PRDM11: variants seen among roughly 807,000 people sequenced by gnomAD.
The protein encoded by PRDM11 is PR domain-containing protein 11.
Under a neutral mutation model 97.8 loss-of-function variants are expected in PRDM11, and 20 were observed. The observed-to-expected ratio is 0.20, with a 90% CI of 0.14 to 0.30. The LOEUF (loss-of-function observed/expected upper bound fraction) is 0.30. PRDM11 is among the 10% of genes least tolerant of loss of function. The probability of loss-of-function intolerance (pLI) is 1.00; values close to 1 mark genes in which losing one functional copy is unlikely to be tolerated. For synonymous variants in PRDM11, 599 were observed against 637.7 expected, an observed-to-expected ratio of 0.94 and a Z score of 0.91; for missense variants, 1,139 against 1,555.2, an observed-to-expected ratio of 0.73 and a Z score of 4.50.
intron 5 of PRDM11, chr11:45,208,855 G>A (rs1398263390): frequency 4.8e-6 from 2 of 420,642 alleles, no homozygotes; most frequent in Non-Finnish European, 9.7e-6. Context: ...ATTGTGCTTT[G>A]TGGGATATTC....
Position 45,219,540 on chromosome 11 carries a change from G to T in PRDM11, c.555-30G>T. 6.3e-7 allele frequency: 1 copy of T among 1,588,624 alleles called. No homozygotes were observed. Among genetic ancestry groups the T allele is most frequent in the Non-Finnish European group, 8.6e-7 (1 of 1,160,356 alleles). On this transcript the variant is annotated intron_variant, in intron 5 of 7. Coordinates refer to ENST00000683152, the MANE Select transcript of PRDM11 (RefSeq NM_001384648.1). The surrounding 1 kb of genome is among the most constrained non-coding windows in gnomAD (Gnocchi z 4.2). ...GGGCACTCAACAAAGGGTGGCCCGT[G>T]CGTTCTCACCTGTCTCCCCTCCCCA...
intron 1 of PRDM11, among the ~76,000 whole-genome samples, chr11:45,151,149 T>A (rs1032672390): frequency 6.6e-6 from 1 of 152,156 alleles, no homozygotes; most frequent in South Asian, 2.1e-4. Context: ...CATGGGGTTC[T>A]TGGCTCAGAG....
chr11:45,206,200 C>G (rs1853504084), intron 5 of PRDM11, among the ~76,000 whole-genome samples: 1 of 152,208 alleles, frequency 6.6e-6, no homozygotes. Flanking sequence ...CCCACCACAC[C>G]CCATGCCCCA....
rs1185865499 is a variant in PRDM11 at position 45,226,452 on chromosome 11, C to G, written c.1827C>G (p.Phe609Leu). 3 of 1,534,024 alleles carry G rather than the reference C, an allele frequency of 2.0e-6. No homozygotes were observed. In the South Asian group the frequency reaches 3.6e-5, roughly 18 times the overall value. The change falls in exon 8 of 8, where the codon TTC becomes TTG. Residue 609 changes from phenylalanine (F) to leucine (L), a missense_variant. Physicochemically the swap from Phe to Leu is conservative, Grantham distance 22. Transcript: ENST00000683152. ...TGGAGGGCAGGCCCTACCTGGACTT[C>G]CGGCCCCTGGCGGAGCTGCTGAGGA... ...LALEGRPYLD[F>L]RPLAELLRKC... is the part of the protein sequence containing the mutation.
intron 1 of PRDM11, among the ~76,000 whole-genome samples, chr11:45,104,846 G>A (rs957731406): frequency 1.9e-4 from 29 of 152,166 alleles, no homozygotes; most frequent in African/African-American, 6.0e-4. Context: ...GATGCCTTGT[G>A]ATGTCCAAGC....
chr11:45,194,010 G>C lies in PRDM11; in HGVS notation c.487-10701G>C, dbSNP rs192434986. Among the ~76,000 whole-genome samples, 10 of 152,332 alleles carry C rather than the reference G, an allele frequency of 6.6e-5. No homozygotes were observed. The East Asian group carries it at 1.5e-3, about 23-fold the overall frequency. ...TTGAGGCTTTGCTCATATCATGTTT[G>C]CTAATATCTCATTGGCTACATCAAT... is the stretch of plus-strand genomic sequence containing the variant. On this transcript the variant is annotated intron_variant, in intron 4 of 7. Coordinates refer to ENST00000683152, the MANE Select transcript of PRDM11 (RefSeq NM_001384648.1).
intron 1 of PRDM11, among the ~76,000 whole-genome samples, chr11:45,161,348 C>T (rs1031193200): frequency 3.9e-5 from 6 of 152,322 alleles, no homozygotes; most frequent in South Asian, 2.1e-4. Flanking sequence ...GGCTTTGTCC[C>T]GCTGTCCGCT....
chr11:45,198,218 C>G (rs1004145131), intron 4 of PRDM11, among the ~76,000 whole-genome samples: 16 of 152,166 alleles, frequency 1.1e-4, no homozygotes, highest in Non-Finnish European at 5.9e-5. Flanking sequence ...GGTTAGAAAC[C>G]TAGAGCATGG....
chr11:45,144,567 G>A (rs1851467104), upstream of PRDM11, among the ~76,000 whole-genome samples: 1 of 152,178 alleles, frequency 6.6e-6, no homozygotes, highest in Non-Finnish European at 1.5e-5. Context: ...TCTGGAGGAT[G>A]GGACCACTCC....
chr11:45,191,946 G>C (rs59019045), intron 4 of PRDM11, among the ~76,000 whole-genome samples: 5 of 152,006 alleles, frequency 3.3e-5, no homozygotes, highest in African/African-American at 1.2e-4. Context: ...CCGTCATCTA[G>C]GTTTTAAGCC....
At chr11:45,136,989 C>CAAAAAAAAAAA (rs759854361) in intron 1 of PRDM11, among the ~76,000 whole-genome samples, 16 of 109,900 alleles carry the variant, frequency 1.5e-4, no homozygotes, top group African/African-American at 2.4e-4. Context: ...ACTAAAAATA[C>CAAAAAAAAAAA]AAAAAAAAAA....
intron 5 of PRDM11, chr11:45,212,785 G>C: frequency 2.2e-6 from 1 of 456,326 alleles, no homozygotes; most frequent in African/African-American, 2.0e-5. Flanking sequence ...CCGTGCACCG[G>C]GACATGGCCA....
intron 1 of PRDM11, among the ~76,000 whole-genome samples, chr11:45,097,189 C>T (rs1345485486): frequency 1.3e-5 from 2 of 152,198 alleles, no homozygotes; most frequent in Non-Finnish European, 2.9e-5. Context: ...GCATCAATAG[C>T]TCACAAGTTT....
chr11:45,186,269 A>G (rs1034756100), intron 4 of PRDM11, among the ~76,000 whole-genome samples: 10 of 149,036 alleles, frequency 6.7e-5, no homozygotes, highest in Admixed American at 1.3e-4. Context: ...AGGTGGATTG[A>G]GGTGGCCTGA....
At chr11:45,200,220 C>A (rs1296608304) in intron 4 of PRDM11, among the ~76,000 whole-genome samples, 4 of 152,166 alleles carry the variant, frequency 2.6e-5, no homozygotes, top group African/African-American at 9.7e-5. Flanking sequence ...AGACCTGAAC[C>A]CAGCAGACAG....
chr11:45,210,330 G>A (rs1436941325), intron 5 of PRDM11, among the ~76,000 whole-genome samples: 1 of 152,132 alleles, frequency 6.6e-6, no homozygotes, highest in Non-Finnish European at 1.5e-5. Context: ...TGTCTCACAT[G>A]CACTTTGAAG....
intron 4 of PRDM11, among the ~76,000 whole-genome samples, chr11:45,189,171 G>C (rs750694511): frequency 3.5e-4 from 53 of 152,300 alleles, no homozygotes; most frequent in Middle Eastern, 3.4e-3. Context: ...AAAGTGCTGG[G>C]ATTACAGGCT....
intron 4 of PRDM11, among the ~76,000 whole-genome samples, chr11:45,183,423 T>C (rs1022579811): frequency 6.6e-6 from 1 of 152,136 alleles, no homozygotes; most frequent in African/African-American, 2.4e-5. Flanking sequence ...CATTGGGCAG[T>C]ATTGAACCAA....
chr11:45,234,842 A>G lies in PRDM11; in HGVS notation c.*6683A>G, dbSNP rs1232964350. 6.6e-6 allele frequency: 1 copy of G among 152,180 alleles called. No individual in the cohort carries two copies. Among genetic ancestry groups the G allele is most frequent in the African/African-American group, 2.4e-5 (1 of 41,426 alleles). The allele number at this position is 152,180 out of a possible 1,614,324, so 9.4% of individuals were successfully genotyped here. ...ACGCTGCTGAACCATTTTCATGTCA[A>G]TCACAAAGGAAAAATAAGTGGGGAT... On this transcript the variant is annotated 3_prime_UTR_variant, in exon 8 of 8. Coordinates refer to ENST00000683152, the MANE Select transcript of PRDM11 (RefSeq NM_001384648.1).
Sources: allele counts gnomAD v4.1 joint callset (sites outside exome capture counted in the v4.1 genomes callset), GRCh38; gene constraint gnomAD v4.1.1; non-coding constraint Gnocchi (gnomAD v3.1); transcripts MANE v1.5; gene names NCBI Gene and HGNC (gene_info 2026-07-23, HGNC 2026-07-21).